TLR5: variants seen among roughly 807,000 people sequenced by gnomAD.
TLR5 encodes toll-like receptor 5.
For missense variants in TLR5, 944 were observed against 999.8 expected (o/e 0.94, Z 0.75); for synonymous variants, 373 against 384.4 (o/e 0.97, Z 0.35).
rs372708351 is a variant in TLR5 at position 223,112,586 on chromosome 1, C to A, written c.446G>T (p.Arg149Leu). The change falls in exon 6 of 6, where the codon CGC (arginine) becomes CTC (leucine). Residue 149 changes from arginine to leucine, a missense_variant. Coordinates refer to ENST00000642603, the MANE Select transcript of TLR5 (RefSeq NM_003268.6). ...AATCTGATTTTTGGATAGATCCAAG[C>A]GAGTTAAAGCCTTTAAATTTCTGAA... Reference protein sequence around the residue: ...GYFRNLKALTRLDLSKNQIRS... With the variant: ...GYFRNLKALTLLDLSKNQIRS... 3.7e-6 allele frequency: 6 copies of A among 1,614,134 alleles called. No individual in the cohort carries two copies. In the South Asian group the frequency reaches 4.4e-5, roughly 12 times the overall value.
chr1:223,125,975 T>C (rs906367236), intron 5 of TLR5, among the ~76,000 whole-genome samples: 3 of 151,994 alleles, frequency 2.0e-5, no homozygotes, highest in Admixed American at 2.0e-4. Context: ...GAACTAACTG[T>C]CGCATGACCC....
chr1:223,137,025 G>T (rs891821369), intron 3 of TLR5, among the ~76,000 whole-genome samples, 153 bp downstream of exon 3: 1 of 152,116 alleles, frequency 6.6e-6, no homozygotes, highest in Admixed American at 6.6e-5. Flanking sequence ...GTCTCGCCAT[G>T]TTGCCCAGGC....
At chr1:223,113,094 G>A in intron 5 of TLR5, 59 bp from the exon 6 acceptor site, 1 of 1,529,970 alleles carries the variant, frequency 6.5e-7, no homozygotes, top group Non-Finnish European at 9.0e-7. Flanking sequence ...ATTGCACTGG[G>A]GTCTTCAGAT....
chr1:223,119,945 C>T, intron 5 of TLR5, among the ~76,000 whole-genome samples: 1 of 31,698 alleles, frequency 3.2e-5, no homozygotes, highest in South Asian at 8.1e-4. Flanking sequence ...GTGAGACTGT[C>T]TCAAAAATAA....
intron 5 of TLR5, among the ~76,000 whole-genome samples, chr1:223,126,593 GC>G (rs1398357504): frequency 6.6e-6 from 1 of 152,070 alleles, no homozygotes; most frequent in African/African-American, 2.4e-5. Flanking sequence ...AGTTCCACAG[GC>G]CTCTGAGGCC....
chr1:223,140,230 T>C (rs962342974), intron 2 of TLR5, among the ~76,000 whole-genome samples: 2 of 152,070 alleles, frequency 1.3e-5, no homozygotes, highest in African/African-American at 2.4e-5. Context: ...AGAGTAGGCA[T>C]AAAGTAAAGG....
chr1:223,129,619 A>C (rs1330337990), intron 5 of TLR5: 1 of 152,306 alleles, frequency 6.6e-6, no homozygotes, highest in East Asian at 1.9e-4. Flanking sequence ...AGGCAGTCAC[A>C]CTCAGGCCAA....
rs1384922368 is a variant in TLR5 at position 223,134,825 on chromosome 1, G to T, written c.-313C>A. Reference sequence around the variant, plus strand: ...AGCTGGGCAACTATAAGGTCAGGGGGCTGGAGCAGATGAGAGTAGGGAAGT... The same window carrying T: ...AGCTGGGCAACTATAAGGTCAGGGGTCTGGAGCAGATGAGAGTAGGGAAGT... On this transcript the variant is annotated 5_prime_UTR_variant, in exon 4 of 6. Coordinates refer to ENST00000642603, the MANE Select transcript of TLR5 (RefSeq NM_003268.6). 2 of 152,276 alleles carry T rather than the reference G, an allele frequency of 1.3e-5. No homozygotes were observed. Among genetic ancestry groups the T allele is most frequent in the Admixed American group, 1.3e-4 (2 of 15,270 alleles). The allele number at this position is 152,276 out of a possible 1,614,324, so 9.4% of individuals were successfully genotyped here.
At chr1:223,133,153 G>A (rs1213840825) in intron 4 of TLR5, among the ~76,000 whole-genome samples, 1 of 152,256 alleles carries the variant, frequency 6.6e-6, no homozygotes, top group Non-Finnish European at 1.5e-5. Flanking sequence ...TTCGGGTTTC[G>A]GGTGAACAAT....
At position 223,112,033 on chromosome 1, in the gene TLR5, G is replaced by A. The variant is rs146811440; in HGVS notation, c.999C>T (p.Tyr333=). The A allele has an allele frequency of 1.4e-4, 232 of 1,614,166 alleles. No individual in the cohort carries two copies. Among genetic ancestry groups the A allele is most frequent in the African/African-American group, 1.0e-3 (76 of 75,036 alleles). Residue 333 remains tyrosine, a synonymous_variant, in exon 6 of 6, where the codon TAC becomes TAT. Transcript: ENST00000642603. ...TGAGAACTTGGAGGTTGTCAAGTCC[G>A]TAAAATGCTTCATCTGCAATCTTAT... ...KINKIADEAF[Y]GLDNLQVLNL...
chr1:223,113,264 G>C (rs1283197445), intron 5 of TLR5, among the ~76,000 whole-genome samples: 1 of 152,006 alleles, frequency 6.6e-6, no homozygotes, highest in African/African-American at 2.4e-5. Context: ...GGAGTGCAGT[G>C]GCATGATCAC....
chr1:223,114,837 A>G (rs1455575650), intron 5 of TLR5, among the ~76,000 whole-genome samples: 2 of 152,190 alleles, frequency 1.3e-5, no homozygotes, highest in African/African-American at 4.8e-5. Flanking sequence ...TCTCAGGGTG[A>G]CAACACAGCA....
intron 5 of TLR5, among the ~76,000 whole-genome samples, chr1:223,121,881 A>C (rs1656969891): frequency 6.6e-6 from 1 of 152,198 alleles, no homozygotes; most frequent in South Asian, 2.1e-4. Flanking sequence ...TGTCTCAGTG[A>C]ATTTCTTGTG....
chr1:223,119,426 G>A (rs1203420307), intron 5 of TLR5, among the ~76,000 whole-genome samples: 1 of 151,924 alleles, frequency 6.6e-6, no homozygotes, highest in Admixed American at 6.6e-5. Flanking sequence ...CCTTAATAAA[G>A]TGTTATAAAC....
chr1:223,139,691 G>T (rs1184359310), intron 2 of TLR5, among the ~76,000 whole-genome samples: 2 of 152,166 alleles, frequency 1.3e-5, no homozygotes, highest in Non-Finnish European at 2.9e-5. Flanking sequence ...AAGAGGATAT[G>T]CTGGGGGCAG....
At position 223,110,274 on chromosome 1, in the gene TLR5, C is replaced by T; in HGVS notation, c.*181G>A. 6.2e-6 allele frequency: 4 copies of T among 648,488 alleles called. No homozygotes were observed. Among genetic ancestry groups the T allele is most frequent in the East Asian group, 2.7e-5 (1 of 36,870 alleles). 40.2% of individuals were successfully genotyped at this position (648,488 alleles called of 1,614,324 possible). A position where few individuals can be genotyped will look rare whatever the true frequency, so the allele number is the denominator to read the frequency against. On this transcript the variant is annotated 3_prime_UTR_variant, in exon 6 of 6. Transcript: ENST00000642603. ...GCAATTTTCTAGATCTATTATTTTCCATTTGGAGGTTAGTGAGACAGAACA... is the reference window on the plus strand; with the variant it reads ...GCAATTTTCTAGATCTATTATTTTCTATTTGGAGGTTAGTGAGACAGAACA...
Position 223,135,258 on chromosome 1 carries a change from G to A in TLR5, c.-352-394C>T, listed in dbSNP as rs376948326. ...ACTGGTGTTGCCTGAGGGACTGTAA[G>A]CAGGGACAGGTGAGGCTGGGGAGCG... On this transcript the variant is annotated intron_variant, in intron 3 of 5. Transcript: ENST00000642603. Among the ~76,000 whole-genome samples the A allele has an allele frequency of 3.9e-5, 6 of 152,206 alleles. No homozygotes were observed. In the East Asian group the frequency reaches 5.8e-4, roughly 15 times the overall value.
chr1:223,122,266 G>A (rs1656985207), intron 5 of TLR5, among the ~76,000 whole-genome samples: 1 of 152,222 alleles, frequency 6.6e-6, no homozygotes, highest in South Asian at 2.1e-4. Context: ...AATCTATGAA[G>A]AGAGGGACAG....
chr1:223,128,414 A>G (rs1439737772), intron 5 of TLR5: 1 of 152,148 alleles, frequency 6.6e-6, no homozygotes, highest in East Asian at 1.9e-4. Flanking sequence ...CTCAATCACA[A>G]AGGGCCTTGG....
Sources: allele counts gnomAD v4.1 joint callset (sites outside exome capture counted in the v4.1 genomes callset), GRCh38; gene constraint gnomAD v4.1.1; transcripts MANE v1.5; gene names NCBI Gene and HGNC (gene_info 2026-07-23, HGNC 2026-07-21).